The following YY1 variants were observed in gnomAD, a reference collection of about 807,000 sequenced individuals.
YY1 encodes YY1 transcription factor.
A neutral mutation model predicts 35.6 loss-of-function variants in YY1; 2 were observed. The observed-to-expected ratio is 0.06, with a 90% CI of 0.02 to 0.18. The LOEUF (loss-of-function observed/expected upper bound fraction) is 0.18. Ranked by LOEUF, YY1 falls within the 10% of genes least tolerant of loss-of-function variation. YY1 has a pLI of 1.00. For missense variants in YY1, 322 were observed against 573.4 expected, an observed-to-expected ratio of 0.56 and a Z score of 4.48; for synonymous variants, 268 against 238.9, an observed-to-expected ratio of 1.12 and a Z score of -1.12.
chr14:100,266,121 T>C (rs1891151762), intron 2 of YY1, among the ~76,000 whole-genome samples: 1 of 152,116 alleles, frequency 6.6e-6, no homozygotes, highest in South Asian at 2.1e-4. Flanking sequence ...TGAGACTTAC[T>C]ATCATGAGAA....
chr14:100,239,660 CCGG>C lies in YY1; in HGVS notation c.422_424del (p.Gly141del). 1 of 1,609,480 alleles carries C rather than the reference CCGG, an allele frequency of 6.2e-7. No individual in the cohort carries two copies. The highest frequency in any genetic ancestry group is 8.5e-7 in the Non-Finnish European group (1 of 1,179,490). On this transcript the variant is annotated inframe_deletion, in exon 1 of 5. Transcript: ENST00000262238. ...ATTCTCATCCCGGTGCCCGCGCCGGCCGGCGGCGACGACGACTACATTGAACAA... is the reference window on the plus strand; with the variant it reads ...ATTCTCATCCCGGTGCCCGCGCCGGCCGGCGACGACGACTACATTGAACAA...
intron 2 of YY1, among the ~76,000 whole-genome samples, chr14:100,268,897 T>C (rs1267915104): frequency 6.6e-6 from 1 of 152,198 alleles, no homozygotes; most frequent in Non-Finnish European, 1.5e-5. Flanking sequence ...TCATCTCCCT[T>C]TCTGGGATAT....
Position 100,278,547 on chromosome 14 carries a change from C to G in YY1, c.*947C>G, listed in dbSNP as rs1891360861. ...CAGAATACTTATAATTCTTGAGCCT[C>G]CCAGAAATTGGAAGCTAAATAAAGC... is the stretch of plus-strand genomic sequence containing the variant. On this transcript the variant is annotated 3_prime_UTR_variant, in exon 5 of 5. Transcript: ENST00000262238. 2.0e-5 allele frequency: 3 copies of G among 152,272 alleles called. No individual in the cohort carries two copies. The South Asian group carries it at 6.2e-4, about 32-fold the overall frequency. 9.4% of individuals were successfully genotyped at this position (152,272 alleles called of 1,614,324 possible). A position where few individuals can be genotyped will look rare whatever the true frequency, so the allele number is the denominator to read the frequency against.
At position 100,278,788 on chromosome 14, in the gene YY1, C is replaced by G. The variant is rs1378322915; in HGVS notation, c.*1188C>G. The G allele has an allele frequency of 6.6e-6, 1 of 152,246 alleles. No homozygotes were observed. The highest frequency in any genetic ancestry group is 2.4e-5 in the African/African-American group (1 of 41,456). 9.4% of individuals were successfully genotyped at this position (152,246 alleles called of 1,614,324 possible). A position where few individuals can be genotyped will look rare whatever the true frequency, so the allele number is the denominator to read the frequency against. On this transcript the variant is annotated 3_prime_UTR_variant, in exon 5 of 5. Transcript: ENST00000262238. ...TGTGAGTGAAGCATCTGTACCACCG[C>G]GCAGGCTGAGCGCCTGCGCAGGGTA...
chr14:100,274,797 G>T (rs1227194337), intron 3 of YY1, 39 bp downstream of exon 3: 1 of 1,576,236 alleles, frequency 6.3e-7, no homozygotes, highest in East Asian at 2.2e-5. Context: ...TTAAACTGTT[G>T]ATGAAGTTTT....
At chr14:100,270,247 A>G (rs1345504638) in intron 2 of YY1, among the ~76,000 whole-genome samples, 13 of 128,784 alleles carry the variant, frequency 1.0e-4, no homozygotes, top group Non-Finnish European at 1.5e-4. Flanking sequence ...TGGGCGACAG[A>G]GCAAGACTCT....
At chr14:100,242,591 T>C (rs1268374469) in intron 1 of YY1, among the ~76,000 whole-genome samples, 1 of 151,846 alleles carries the variant, frequency 6.6e-6, no homozygotes, top group African/African-American at 2.4e-5. Context: ...GGTTTCACCA[T>C]GTTAGCCAGG....
chr14:100,252,792 A>G (rs1434405096), intron 1 of YY1, among the ~76,000 whole-genome samples: 2 of 152,062 alleles, frequency 1.3e-5, no homozygotes, highest in Non-Finnish European at 2.9e-5. Context: ...AACCCCAGGG[A>G]TTTGGGAGGC....
intron 1 of YY1, among the ~76,000 whole-genome samples, chr14:100,247,349 G>C (rs1202783859): frequency 6.6e-6 from 1 of 151,808 alleles, no homozygotes; most frequent in African/African-American, 2.4e-5. Context: ...ACTTCCAATA[G>C]GAAGAGTAAG....
At chr14:100,248,416 C>A (rs373924576) in intron 1 of YY1, among the ~76,000 whole-genome samples, 10 of 152,016 alleles carry the variant, frequency 6.6e-5, no homozygotes, top group African/African-American at 1.7e-4. Context: ...GCTACTGTAC[C>A]CAGCCTACTC....
intron 2 of YY1, among the ~76,000 whole-genome samples, chr14:100,272,286 ACT>A (rs1000918547): frequency 2.9e-4 from 37 of 125,856 alleles, no homozygotes; most frequent in African/African-American, 1.1e-3. Context: ...ACAGAGTGAG[ACT>A]CTGTCTCAAA....
At chr14:100,256,537 T>C (rs1358458561) in intron 1 of YY1, among the ~76,000 whole-genome samples, 2 of 152,228 alleles carry the variant, frequency 1.3e-5, no homozygotes, top group Non-Finnish European at 2.9e-5. Flanking sequence ...AATGTTGTTA[T>C]ATGTTACAAC....
chr14:100,248,492 A>AG lies in YY1; in HGVS notation c.679+8570dup, dbSNP rs577484744. On this transcript the variant is annotated intron_variant, in intron 1 of 4. Coordinates refer to ENST00000262238, the MANE Select transcript of YY1 (RefSeq NM_003403.5). Reference sequence around the variant, plus strand: ...GCAAATGAGATATTAGGAACTCTTGAGAAAAAAAAATTTTTTTGAGACGGG... The same window carrying AG: ...GCAAATGAGATATTAGGAACTCTTGAGGAAAAAAAAATTTTTTTGAGACGGG... Among the ~76,000 whole-genome samples, 229 of 151,908 alleles carry AG rather than the reference A, an allele frequency of 1.5e-3. 6 individuals carry two copies. In the South Asian group the frequency reaches 0.046, roughly 30 times the overall value.
chr14:100,240,088 G>GGCGGGCC (rs1221055173), intron 1 of YY1, among the ~76,000 whole-genome samples, 165 bp downstream of exon 1: 2 of 146,748 alleles, frequency 1.4e-5, no homozygotes, highest in East Asian at 2.0e-4. Flanking sequence ...GGCGGCGGGC[G>GGCGGGCC]GCGGGCCGCG....
At chr14:100,249,760 G>GTTTTTTTTTTTTTTTTTT (rs34925666) in intron 1 of YY1, among the ~76,000 whole-genome samples, 3 of 143,008 alleles carry the variant, frequency 2.1e-5, no homozygotes, top group African/African-American at 2.6e-5. Context: ...TTTTTTTTTT[G>GTTTTTTTTTTTTTTTTTT]TTTGTTTTTG....
chr14:100,271,822 T>C (rs1380851941), intron 2 of YY1, among the ~76,000 whole-genome samples: 1 of 152,188 alleles, frequency 6.6e-6, no homozygotes, highest in Non-Finnish European at 1.5e-5. Flanking sequence ...CTTTTTATTT[T>C]TTTTAGAGAC....
At chr14:100,250,715 T>TA (rs1328807877) in intron 1 of YY1, among the ~76,000 whole-genome samples, 2 of 152,102 alleles carry the variant, frequency 1.3e-5, no homozygotes, top group East Asian at 1.9e-4. Context: ...TAGAGATGCC[T>TA]AAAAAATGTA....
At position 100,276,123 on chromosome 14, in the gene YY1, C is replaced by T. The variant is rs2139603821; in HGVS notation, c.904-367C>T. 1.2e-5 allele frequency: 4 copies of T among 333,516 alleles called. No homozygotes were observed. The highest frequency in any genetic ancestry group is 8.0e-5 in the East Asian group (1 of 12,476). 20.7% of individuals were successfully genotyped at this position (333,516 alleles called of 1,614,324 possible). A position where few individuals can be genotyped will look rare whatever the true frequency, so the allele number is the denominator to read the frequency against. On this transcript the variant is annotated intron_variant, in intron 3 of 4. Coordinates refer to ENST00000262238, the MANE Select transcript of YY1 (RefSeq NM_003403.5). The surrounding 1 kb of genome is among the most constrained non-coding windows in gnomAD (Gnocchi z 4.1). ...TAACTCCATTTGCTTAGCAGTGCTT[C>T]TGTTACTTCATTTTGGGGGACATAG...
chr14:100,259,519 CAA>C (rs576609164), intron 1 of YY1, among the ~76,000 whole-genome samples: 2 of 125,764 alleles, frequency 1.6e-5, no homozygotes, highest in Non-Finnish European at 1.7e-5. Flanking sequence ...GACTCCGTCT[CAA>C]AAAAAAAAAA....
Sources: gnomAD v4.1 joint callset for allele counts (sites outside exome capture counted in the v4.1 genomes callset) on GRCh38, gnomAD v4.1.1 for gene constraint, Gnocchi (gnomAD v3.1) non-coding constraint, MANE v1.5 for transcripts, NCBI Gene and HGNC (gene_info 2026-07-23, HGNC 2026-07-21) for gene names.